The following ROBO1 variants were observed in gnomAD, a reference collection of about 807,000 sequenced individuals.
ROBO1 encodes the protein roundabout guidance receptor 1.
ROBO1 carries 149 observed loss-of-function variants against 195.9 expected under a neutral mutation model. The observed-to-expected ratio is 0.76, with a 90% confidence interval of 0.67 to 0.87. The LOEUF (loss-of-function observed/expected upper bound fraction) is 0.87. Among genes scored for constraint, ROBO1 ranks in the 40% least tolerant of loss-of-function variants. ROBO1 has a pLI of 0.00. For synonymous variants in ROBO1, 816 were observed against 733.2 expected (o/e 1.11, Z -1.82); for missense variants, 1,933 against 2,068.3 (o/e 0.93, Z 1.27).
chr3:79,064,012 C>A (rs1261475395), intron 3 of ROBO1, among the ~76,000 whole-genome samples: 1 of 151,696 alleles, frequency 6.6e-6, no homozygotes, highest in African/African-American at 2.4e-5. Context: ...AGAGAAAATT[C>A]TGGTGTCTTA....
At chr3:79,593,268 A>C (rs929619000) in intron 1 of ROBO1, among the ~76,000 whole-genome samples, 1 of 152,118 alleles carries the variant, frequency 6.6e-6, no homozygotes, top group African/African-American at 2.4e-5. Context: ...CATCTGGGTA[A>C]ATAATAAATA....
At chr3:79,623,886 G>C (rs747573542) in intron 1 of ROBO1, among the ~76,000 whole-genome samples, 1 of 151,920 alleles carries the variant, frequency 6.6e-6, no homozygotes, top group Non-Finnish European at 1.5e-5. Flanking sequence ...ACCCCAAGAC[G>C]CATAATCATC....
intron 1 of ROBO1, among the ~76,000 whole-genome samples, chr3:79,661,364 G>A (rs568330951): frequency 1.3e-5 from 2 of 152,160 alleles, no homozygotes; most frequent in African/African-American, 2.4e-5. Flanking sequence ...CTCAGGGTCA[G>A]CTTCCGAGGG....
At chr3:78,716,528 A>G (rs909352432) in intron 7 of ROBO1, among the ~76,000 whole-genome samples, 1 of 152,184 alleles carries the variant, frequency 6.6e-6, no homozygotes, top group Non-Finnish European at 1.5e-5. Flanking sequence ...TAACATGTGA[A>G]TCTCAGGATT....
chr3:78,850,810 T>C (rs929528939), intron 4 of ROBO1, among the ~76,000 whole-genome samples: 11 of 151,992 alleles, frequency 7.2e-5, no homozygotes, highest in Non-Finnish European at 1.5e-4. Flanking sequence ...TTCTTTTCTT[T>C]TTTTTTTCTT....
chr3:79,664,114 T>C (rs1366446154), intron 1 of ROBO1, among the ~76,000 whole-genome samples: 1 of 152,076 alleles, frequency 6.6e-6, no homozygotes, highest in Admixed American at 6.6e-5. Context: ...TCTAAGTTTG[T>C]TATAGGTGCA....
chr3:79,726,332 T>G (rs1448775423), intron 1 of ROBO1, among the ~76,000 whole-genome samples: 2 of 152,170 alleles, frequency 1.3e-5, no homozygotes, highest in Admixed American at 1.3e-4. Context: ...CAACAAAACC[T>G]GTAACAGCAG....
At chr3:79,390,284 A>AAAC (rs886816481) in intron 2 of ROBO1, among the ~76,000 whole-genome samples, 1 of 151,922 alleles carries the variant, frequency 6.6e-6, no homozygotes, top group African/African-American at 2.4e-5. Context: ...ACCGGCTCTG[A>AAAC]AACAACAACA....
Position 78,707,094 on chromosome 3 carries a change from T to C in ROBO1, c.1045+7303A>G, listed in dbSNP as rs531880269. Among the ~76,000 whole-genome samples the C allele has an allele frequency of 1.7e-3, 264 of 152,310 alleles. 2 individuals carry two copies. The highest frequency in any genetic ancestry group is 6.1e-3 in the African/African-American group (255 of 41,566). The stretch of plus-strand genomic sequence containing the variant: ...AGCTGCTTCTTGTTTTACTGAAAGT[T>C]ATAATTACTCTTCAACTCTGAGTTC... On this transcript the variant is annotated intron_variant, in intron 8 of 30. Transcript: ENST00000464233.
chr3:79,133,862 G>A (rs1233975443), intron 2 of ROBO1, among the ~76,000 whole-genome samples: 36 of 149,224 alleles, frequency 2.4e-4, no homozygotes, highest in African/African-American at 8.5e-4. Flanking sequence ...ATGGGTTTTC[G>A]GTGTAGATGT....
At chr3:79,011,468 G>A (rs2077774257) in intron 3 of ROBO1, among the ~76,000 whole-genome samples, 1 of 151,948 alleles carries the variant, frequency 6.6e-6, no homozygotes. Context: ...AAATGATATT[G>A]AAACAGACAT....
intron 18 of ROBO1, among the ~76,000 whole-genome samples, chr3:78,654,489 C>G (rs975696324): frequency 2.6e-5 from 4 of 152,176 alleles, no homozygotes; most frequent in Non-Finnish European, 5.9e-5. Context: ...TTCTTCTTAT[C>G]CCTAATACAT....
intron 2 of ROBO1, among the ~76,000 whole-genome samples, chr3:79,163,865 T>C (rs1228157342): frequency 6.6e-6 from 1 of 152,172 alleles, no homozygotes; most frequent in Non-Finnish European, 1.5e-5. Flanking sequence ...GATGACTTCT[T>C]CCAGCATCCC....
intron 2 of ROBO1, among the ~76,000 whole-genome samples, chr3:79,564,600 A>G (rs1003373495): frequency 1.3e-5 from 2 of 152,086 alleles, no homozygotes; most frequent in East Asian, 3.8e-4. Flanking sequence ...TAAATGCTGT[A>G]TTATAATTAT....
intron 2 of ROBO1, among the ~76,000 whole-genome samples, chr3:79,233,100 A>AT (rs1471309709): frequency 6.6e-6 from 1 of 152,104 alleles, no homozygotes; most frequent in African/African-American, 2.4e-5. Flanking sequence ...AATTGTAAGA[A>AT]TTTTTTCTCA....
At chr3:79,589,685 T>C in intron 2 of ROBO1, 139 bp downstream of exon 2, 2 of 655,738 alleles carry the variant, frequency 3.1e-6, no homozygotes, top group South Asian at 2.0e-5. Flanking sequence ...GCACTCATAC[T>C]CAAGAAGACA....
chr3:78,632,939 A>T (rs2107515626), intron 24 of ROBO1, among the ~76,000 whole-genome samples: 1 of 152,346 alleles, frequency 6.6e-6, no homozygotes, highest in East Asian at 1.9e-4. Flanking sequence ...AATTGTTAAA[A>T]CAAACAAATA....
chr3:78,918,012 A>T (rs903747245), intron 4 of ROBO1, among the ~76,000 whole-genome samples: 1 of 152,216 alleles, frequency 6.6e-6, no homozygotes, highest in African/African-American at 2.4e-5. Context: ...TATGTAGCCC[A>T]GAAATGCACA....
chr3:78,711,440 T>TTTCTTTCTTTCTTTCCTTCCTTCC (rs770070756), intron 8 of ROBO1, among the ~76,000 whole-genome samples: 14 of 41,616 alleles, frequency 3.4e-4, no homozygotes, highest in South Asian at 2.1e-3. Context: ...TCTTTCTTTC[T>TTTCTTTCTTTCTTTCCTTCCTTCC]TTCCTTCCTT....
Sources: gnomAD v4.1 joint callset for allele counts (sites outside exome capture counted in the v4.1 genomes callset) on GRCh38, gnomAD v4.1.1 for gene constraint, MANE v1.5 for transcripts, NCBI Gene and HGNC (gene_info 2026-07-23, HGNC 2026-07-21) for gene names.